The following LINGO2 variants were observed in gnomAD, a reference collection of about 807,000 sequenced individuals.
LINGO2 encodes the protein leucine-rich repeat and immunoglobulin-like domain-containing nogo receptor-interacting protein 2.
A neutral mutation model predicts 30.6 loss-of-function variants in LINGO2; 14 were observed. The observed-to-expected ratio is 0.46, with a 90% CI of 0.30 to 0.72. The LOEUF is 0.72. LINGO2 is among the 30% of genes least tolerant of loss of function. The pLI, the probability that LINGO2 is intolerant of heterozygous loss-of-function variation, is 0.07. For missense variants in LINGO2, 729 were observed against 751.7 expected, an observed-to-expected ratio of 0.97 and a Z score of 0.35; for synonymous variants, 317 against 288.5, an observed-to-expected ratio of 1.10 and a Z score of -1.00.
intron 4 of LINGO2, among the ~76,000 whole-genome samples, chr9:28,263,790 C>G (rs1822649816): frequency 6.6e-6 from 1 of 151,664 alleles, no homozygotes. Flanking sequence ...AGAAATGTAC[C>G]CAATTCTTAA....
the LINGO2 span, among the ~76,000 whole-genome samples, chr9:28,873,271 G>A: frequency 6.6e-6 from 1 of 151,476 alleles, no homozygotes; most frequent in Non-Finnish European, 1.5e-5. Flanking sequence ...TTGGGAGGCT[G>A]AGGGAGGAGA....
intron 4 of LINGO2, among the ~76,000 whole-genome samples, chr9:28,223,147 T>C (rs1444184924): frequency 1.3e-5 from 2 of 152,196 alleles, no homozygotes; most frequent in African/African-American, 2.4e-5. Context: ...AGAGATGGTA[T>C]GTCCATTTGT....
At chr9:28,492,845 A>C (rs572219095) in intron 1 of LINGO2, among the ~76,000 whole-genome samples, 1 of 151,560 alleles carries the variant, frequency 6.6e-6, no homozygotes, top group East Asian at 2.0e-4. Flanking sequence ...CAACAACAAC[A>C]ACAACAAAAA....
chr9:28,123,255 G>T (rs561463446), intron 4 of LINGO2, among the ~76,000 whole-genome samples: 5 of 152,186 alleles, frequency 3.3e-5, no homozygotes, highest in South Asian at 2.1e-4. Context: ...TCATAGTCAG[G>T]TTTCAAAAAG....
chr9:28,223,714 G>T (rs1441574628), intron 4 of LINGO2, among the ~76,000 whole-genome samples: 2 of 152,140 alleles, frequency 1.3e-5, no homozygotes, highest in African/African-American at 4.8e-5. Flanking sequence ...GGAGACAAAG[G>T]GATGGATGCT....
the LINGO2 span, among the ~76,000 whole-genome samples, chr9:28,846,340 G>T: frequency 6.6e-6 from 1 of 151,512 alleles, no homozygotes; most frequent in African/African-American, 2.4e-5. Context: ...CAAAATGGGT[G>T]GTGCAGAGTT....
chr9:28,805,112 C>A, the LINGO2 span, among the ~76,000 whole-genome samples: 2 of 152,100 alleles, frequency 1.3e-5, no homozygotes, highest in Non-Finnish European at 2.9e-5. Flanking sequence ...AGCTCTCGAG[C>A]AAATGTTAAC....
At chr9:28,279,889 T>A (rs1261820423) in intron 4 of LINGO2, among the ~76,000 whole-genome samples, 1 of 152,180 alleles carries the variant, frequency 6.6e-6, no homozygotes, top group Non-Finnish European at 1.5e-5. Context: ...CATATTCATA[T>A]AATTTATGGT....
the LINGO2 span, among the ~76,000 whole-genome samples, chr9:29,093,187 GA>G: frequency 8.3e-3 from 1,091 of 131,572 alleles, 168 homozygotes; most frequent in African/African-American, 0.03. Flanking sequence ...AAAATATATA[GA>G]AAAAAATATA....
At chr9:28,272,220 G>T (rs771845842) in intron 4 of LINGO2, among the ~76,000 whole-genome samples, 1 of 152,064 alleles carries the variant, frequency 6.6e-6, no homozygotes, top group Non-Finnish European at 1.5e-5. Flanking sequence ...ATAGCAGCCA[G>T]AGGAACCCTG....
the LINGO2 span, among the ~76,000 whole-genome samples, chr9:28,895,286 CA>C: frequency 6.6e-6 from 1 of 152,014 alleles, no homozygotes; most frequent in African/African-American, 2.4e-5. Flanking sequence ...ATCATAAAAA[CA>C]AACAAGCAAA....
intron 3 of LINGO2, among the ~76,000 whole-genome samples, chr9:28,325,997 T>C (rs1028440673): frequency 1.3e-5 from 2 of 152,176 alleles, no homozygotes; most frequent in African/African-American, 4.8e-5. Context: ...TGACAATTCA[T>C]ACATACAAAC....
At chr9:28,134,442 G>A (rs1313213993) in intron 4 of LINGO2, among the ~76,000 whole-genome samples, 1 of 152,164 alleles carries the variant, frequency 6.6e-6, no homozygotes, top group African/African-American at 2.4e-5. Flanking sequence ...TTGCAGAAAC[G>A]TTAGCATATA....
At chr9:28,506,487 T>TAC (rs374238897) in intron 1 of LINGO2, among the ~76,000 whole-genome samples, 5 of 40,416 alleles carry the variant, frequency 1.2e-4, no homozygotes, top group African/African-American at 3.4e-4. Flanking sequence ...CACATACACA[T>TAC]ACACACACAC....
chr9:28,678,329 C>A, the LINGO2 span, among the ~76,000 whole-genome samples: 1 of 152,038 alleles, frequency 6.6e-6, no homozygotes, highest in East Asian at 1.9e-4. Flanking sequence ...TTAGAGCAAT[C>A]CTCTTTCCAT....
chr9:28,001,090 C>T (rs879746959), intron 5 of LINGO2, among the ~76,000 whole-genome samples: 2 of 152,196 alleles, frequency 1.3e-5, no homozygotes, highest in African/African-American at 4.8e-5. Context: ...TGTGTTTTCA[C>T]ACATTTTTAA....
the LINGO2 span, among the ~76,000 whole-genome samples, chr9:28,994,854 A>T: frequency 3.7e-3 from 558 of 152,312 alleles, 2 homozygotes; most frequent in African/African-American, 0.013. Flanking sequence ...CTTACACCTT[A>T]TACAAAAATT....
the LINGO2 span, among the ~76,000 whole-genome samples, chr9:28,918,693 A>C: frequency 2.0e-5 from 3 of 152,194 alleles, no homozygotes; most frequent in Non-Finnish European, 4.4e-5. Flanking sequence ...CATATATTTC[A>C]ACGTATGCGG....
chr9:28,091,686 C>G (rs1362049809), intron 4 of LINGO2, among the ~76,000 whole-genome samples: 5 of 152,038 alleles, frequency 3.3e-5, no homozygotes, highest in African/African-American at 1.2e-4. Flanking sequence ...CAACAAAAGC[C>G]AATATTGACA....
Sources: gnomAD v4.1 joint callset for allele counts (sites outside exome capture counted in the v4.1 genomes callset) on GRCh38, gnomAD v4.1.1 for gene constraint, MANE v1.5 for transcripts, NCBI Gene and HGNC (gene_info 2026-07-23, HGNC 2026-07-21) for gene names.